SETD5: variants seen among roughly 807,000 people sequenced by gnomAD.
SETD5 encodes the protein histone-lysine N-methyltransferase SETD5.
In SETD5, 44 loss-of-function variants were observed where a neutral mutation model predicts 153.3. The observed-to-expected ratio is 0.29, with a 90% CI of 0.23 to 0.37. The LOEUF is 0.37. Among genes scored for constraint, SETD5 ranks in the 10% least tolerant of loss-of-function variants. The pLI is 1.00. For missense variants in SETD5, 1,544 were observed against 1,768.0 expected, an observed-to-expected ratio of 0.87 and a Z score of 2.27; for synonymous variants, 716 against 645.2, an observed-to-expected ratio of 1.11 and a Z score of -1.66.
intron 6 of SETD5, 142 bp from the exon 7 acceptor site, chr3:9,435,586 A>G: frequency 1.5e-6 from 1 of 659,408 alleles, no homozygotes; most frequent in Non-Finnish European, 2.4e-6. Context: ...GAAGATGAGT[A>G]TTTAACGTTG....
chr3:9,422,531 C>T (rs1156688192), intron 1 of SETD5, among the ~76,000 whole-genome samples: 1 of 152,058 alleles, frequency 6.6e-6, no homozygotes, highest in African/African-American at 2.4e-5. Flanking sequence ...TATAAATTTT[C>T]ATATTTATGT....
chr3:9,445,450 T>C (rs1575451598), intron 12 of SETD5, 150 bp downstream of exon 12: 1 of 1,006,840 alleles, frequency 9.9e-7, no homozygotes, highest in Admixed American at 2.5e-5. Context: ...TACATTTCTT[T>C]CTGTTTTACA....
intron 1 of SETD5, among the ~76,000 whole-genome samples, chr3:9,413,403 T>C (rs1277018861): frequency 2.0e-5 from 3 of 152,214 alleles, no homozygotes; most frequent in Admixed American, 6.5e-5. Flanking sequence ...AGGTATCTTA[T>C]AAATATCAGA....
Position 9,434,656 on chromosome 3 carries a change from G to A in SETD5, c.330-168G>A, listed in dbSNP as rs1043436849. 2 of 1,468,950 alleles carry A rather than the reference G, an allele frequency of 1.4e-6. No individual in the cohort carries two copies. Among genetic ancestry groups the A allele is most frequent in the African/African-American group, 2.8e-5 (2 of 70,314 alleles). 91.0% of individuals were successfully genotyped at this position (1,468,950 alleles called of 1,614,324 possible). A position where few individuals can be genotyped will look rare whatever the true frequency, so the allele number is the denominator to read the frequency against. On this transcript the variant is annotated intron_variant, in intron 5 of 22. Coordinates refer to ENST00000402198, the MANE Select transcript of SETD5 (RefSeq NM_001080517.3). The surrounding 1 kb of genome is among the most constrained non-coding windows in gnomAD (Gnocchi z 5.6). ...GTGAGAATTGCTGACAACAAGGAAT[G>A]AGAGATTGATGTTAAAGCTATTGAA... is the stretch of plus-strand genomic sequence containing the variant.
intron 17 of SETD5, among the ~76,000 whole-genome samples, chr3:9,455,886 G>T (rs560747665): frequency 6.6e-6 from 1 of 152,120 alleles, no homozygotes; most frequent in Non-Finnish European, 1.5e-5. Context: ...TTATTGTTGA[G>T]CTTCTGCCCT....
intron 1 of SETD5, among the ~76,000 whole-genome samples, chr3:9,412,443 C>A (rs1157166061): frequency 1.4e-5 from 2 of 141,502 alleles, no homozygotes; most frequent in Non-Finnish European, 3.0e-5. Context: ...TACTCTGTCG[C>A]CCAGGCTAGA....
At chr3:9,465,267 A>G (rs953939753) in intron 18 of SETD5, among the ~76,000 whole-genome samples, 9 of 152,236 alleles carry the variant, frequency 5.9e-5, no homozygotes, top group African/African-American at 2.2e-4. Flanking sequence ...ACATGTATTC[A>G]TGAGACAAAT....
chr3:9,469,818 G>A (rs1377695088), intron 18 of SETD5, among the ~76,000 whole-genome samples: 1 of 152,124 alleles, frequency 6.6e-6, no homozygotes, highest in Admixed American at 6.5e-5. Context: ...GTATGTTGAC[G>A]TACATTAGAG....
chr3:9,452,659 ATTTTTTTTTTTT>A (rs1164278885), intron 16 of SETD5, among the ~76,000 whole-genome samples: 2 of 59,824 alleles, frequency 3.3e-5, no homozygotes, highest in South Asian at 5.8e-4. Context: ...ATGATGTAAG[ATTTTTTTTTTTT>A]TTTTTTTTTT....
rs373199483 is a variant in SETD5, at chr3:9,446,136, A to C, written c.1524+396A>C. 5.9e-4 allele frequency among the ~76,000 whole-genome samples: 89 copies of C among 150,642 alleles called. 2 individuals carry two copies. The East Asian group carries it at 0.016, about 28-fold the overall frequency. The stretch of plus-strand genomic sequence containing the variant: ...CCTTGTCTCTACTAAAAATACAAAA[A>C]ATTAGCCGGGCGCGGTGGCGGGTGC... On this transcript the variant is annotated intron_variant, in intron 13 of 22. Transcript: ENST00000402198.
chr3:9,453,362 G>A (rs918461777), intron 16 of SETD5, among the ~76,000 whole-genome samples: 1 of 151,970 alleles, frequency 6.6e-6, no homozygotes, highest in Non-Finnish European at 1.5e-5. Context: ...TTCCTTCTAG[G>A]CGCTTATTTT....
intron 1 of SETD5, among the ~76,000 whole-genome samples, chr3:9,422,565 A>G (rs193054688): frequency 3.3e-5 from 5 of 152,342 alleles, no homozygotes; most frequent in Admixed American, 3.3e-4. Flanking sequence ...GTGCTTGGAT[A>G]ATTGTATTTA....
At chr3:9,424,273 C>G (rs2038828322) in intron 1 of SETD5, among the ~76,000 whole-genome samples, 194 bp from the exon 2 acceptor site, 1 of 151,998 alleles carries the variant, frequency 6.6e-6, no homozygotes, top group Non-Finnish European at 1.5e-5. Flanking sequence ...TCGTTTCTGG[C>G]TTTATGGAAA....
intron 1 of SETD5, among the ~76,000 whole-genome samples, chr3:9,416,660 T>C (rs1251517624): frequency 6.6e-6 from 1 of 152,216 alleles, no homozygotes; most frequent in East Asian, 1.9e-4. Context: ...TAAAGAATTA[T>C]GACCTTTGAT....
At chr3:9,455,532 T>C (rs2043136790) in intron 17 of SETD5, among the ~76,000 whole-genome samples, 1 of 152,216 alleles carries the variant, frequency 6.6e-6, no homozygotes, top group African/African-American at 2.4e-5. Context: ...AGATAAATTA[T>C]ACTGTTTATT....
chr3:9,461,562 A>G (rs1349048258), intron 17 of SETD5, among the ~76,000 whole-genome samples: 2 of 152,220 alleles, frequency 1.3e-5, no homozygotes, highest in Non-Finnish European at 2.9e-5. Flanking sequence ...TAAAATTTGG[A>G]AACTATATAT....
rs371449450 is a variant in SETD5, at chr3:9,445,778, C to G, written c.1524+38C>G. On this transcript the variant is annotated intron_variant, in intron 13 of 22. Coordinates refer to ENST00000402198, the MANE Select transcript of SETD5 (RefSeq NM_001080517.3). The stretch of plus-strand genomic sequence containing the variant: ...TGACATTACTTTGCTCCTTCTCATT[C>G]CTGCTACCTCCATCATGTGAACCTC... 226 of 1,430,562 alleles carry G rather than the reference C, an allele frequency of 1.6e-4. 2 individuals carry two copies. The South Asian group carries it at 2.2e-3, about 14-fold the overall frequency. The allele number at this position is 1,430,562 out of a possible 1,614,324, so 88.6% of individuals were successfully genotyped here.
chr3:9,459,418 C>T (rs887404403), intron 17 of SETD5, among the ~76,000 whole-genome samples: 17 of 151,920 alleles, frequency 1.1e-4, no homozygotes, highest in African/African-American at 4.1e-4. Flanking sequence ...CCAAAAACAG[C>T]GTAGTACCAC....
At chr3:9,399,351 A>G (rs1385668871) in intron 1 of SETD5, among the ~76,000 whole-genome samples, 1 of 152,102 alleles carries the variant, frequency 6.6e-6, no homozygotes, top group Non-Finnish European at 1.5e-5. Context: ...GTAATTTTAG[A>G]TGTGTGGGAT....
Sources: allele counts gnomAD v4.1 joint callset (sites outside exome capture counted in the v4.1 genomes callset), GRCh38; gene constraint gnomAD v4.1.1; non-coding constraint Gnocchi (gnomAD v3.1); transcripts MANE v1.5; gene names NCBI Gene and HGNC (gene_info 2026-07-23, HGNC 2026-07-21).